Variants in GSE1 observed in about 807,000 individuals in gnomAD.
GSE1 encodes the protein Gse1 coiled-coil protein, also known as genetic suppressor element 1.
GSE1 carries 32 observed loss-of-function variants against 112.6 expected under a neutral mutation model. The ratio of observed to expected loss-of-function variants is 0.28; its 90% confidence interval spans 0.21 to 0.38. The LOEUF is 0.38. GSE1 is among the 10% of genes least tolerant of loss of function. The pLI is 1.00. For missense variants in GSE1, 2,348 were observed against 1,699.2 expected, an observed-to-expected ratio of 1.38 and a Z score of -6.71; for synonymous variants, 1,115 against 735.6, an observed-to-expected ratio of 1.52 and a Z score of -8.35.
chr16:85,495,521 G>A (rs914580358), intron 2 of GSE1, among the ~76,000 whole-genome samples: 1 of 151,536 alleles, frequency 6.6e-6, no homozygotes, highest in African/African-American at 2.4e-5. Flanking sequence ...TTGAGACAGA[G>A]TCTTACTCTG....
intron 1 of GSE1, among the ~76,000 whole-genome samples, chr16:85,313,995 T>C (rs552551703): frequency 2.8e-4 from 42 of 151,592 alleles, no homozygotes; most frequent in African/African-American, 9.0e-4. Flanking sequence ...TGTATGTGTG[T>C]GTGTGTGATA....
chr16:85,450,541 C>T (rs988927744), intron 2 of GSE1, among the ~76,000 whole-genome samples: 2 of 151,550 alleles, frequency 1.3e-5, no homozygotes, highest in African/African-American at 4.8e-5. Flanking sequence ...ACTTCACTCC[C>T]CAGGTTCAAG....
chr16:85,370,687 G>A (rs2047279232), intron 2 of GSE1, among the ~76,000 whole-genome samples: 1 of 151,228 alleles, frequency 6.6e-6, no homozygotes, highest in South Asian at 2.1e-4. Flanking sequence ...TCTGCCTGGA[G>A]CGAGTTCTAG....
In GSE1 at chr16:85,344,536, G is replaced by T. The variant is rs886670963; in HGVS notation, c.2284-12927G>T. Among the ~76,000 whole-genome samples the T allele has an allele frequency of 4.6e-5, 7 of 152,368 alleles. No homozygotes were observed. The East Asian group carries it at 1.2e-3, about 25-fold the overall frequency. On this transcript the variant is annotated intron_variant, in intron 1 of 2. Coordinates refer to the GSE1 transcript ENST00000637419. Reference sequence around the variant, plus strand: ...CATTTGATGGGCACCAGGAGCATGTGTGAAGCGCAGGGCTGCTCCCCGTTT... The same window carrying T: ...CATTTGATGGGCACCAGGAGCATGTTTGAAGCGCAGGGCTGCTCCCCGTTT...
intron 1 of GSE1, among the ~76,000 whole-genome samples, chr16:85,281,162 G>A (rs77115222): frequency 0.02 from 2,974 of 152,276 alleles, 94 homozygotes; most frequent in African/African-American, 0.068. Flanking sequence ...CCTTAGAGCT[G>A]GACATGATCT....
intron 1 of GSE1, among the ~76,000 whole-genome samples, chr16:85,173,047 C>A (rs193037092): frequency 9.9e-4 from 150 of 152,282 alleles, no homozygotes; most frequent in African/African-American, 3.4e-3. Flanking sequence ...ATGAGCACGT[C>A]GTCTCCCGTC....
intron 1 of GSE1, among the ~76,000 whole-genome samples, chr16:85,572,711 C>T (rs1473097929): frequency 2.0e-5 from 3 of 152,226 alleles, no homozygotes. Flanking sequence ...CGAGGGCTCC[C>T]CCAACCCTAG....
At chr16:85,194,204 C>A (rs1013213271) in intron 1 of GSE1, among the ~76,000 whole-genome samples, 3 of 152,160 alleles carry the variant, frequency 2.0e-5, no homozygotes, top group South Asian at 2.1e-4. Context: ...CGTGTCCGGG[C>A]GCCCTTGTGG....
At chr16:85,284,388 C>G (rs1413627258) in intron 1 of GSE1, among the ~76,000 whole-genome samples, 2 of 152,338 alleles carry the variant, frequency 1.3e-5, no homozygotes, top group East Asian at 3.9e-4. Flanking sequence ...CTGCTTCCAT[C>G]TGCTCGGCGA....
chr16:85,467,610 C>T (rs1397502714), intron 2 of GSE1, among the ~76,000 whole-genome samples: 1 of 152,174 alleles, frequency 6.6e-6, no homozygotes, highest in African/African-American at 2.4e-5. Flanking sequence ...GGTGGCTGGA[C>T]ATCTTACTTG....
At chr16:85,502,216 A>G (rs1226328065) in intron 2 of GSE1, among the ~76,000 whole-genome samples, 2 of 152,160 alleles carry the variant, frequency 1.3e-5, no homozygotes, top group African/African-American at 2.4e-5. Flanking sequence ...GCGTCCCGAG[A>G]GAGCCTTGGT....
chr16:85,460,341 G>T lies in GSE1; in HGVS notation c.2464+102698G>T, dbSNP rs567011141. Among the ~76,000 whole-genome samples, 4 of 152,296 alleles carry T rather than the reference G, an allele frequency of 2.6e-5. No individual in the cohort carries two copies. In the South Asian group the frequency reaches 6.2e-4, roughly 24 times the overall value. On this transcript the variant is annotated intron_variant, in intron 2 of 2. Transcript: ENST00000637419. ...GAGATTCTGATACAACTGCTCAGGG[G>T]TGCGGCCCAGCCTGGTATTTTCTTA...
At chr16:85,479,534 C>A (rs912813260) in intron 2 of GSE1, among the ~76,000 whole-genome samples, 4 of 152,124 alleles carry the variant, frequency 2.6e-5, no homozygotes, top group Non-Finnish European at 5.9e-5. Flanking sequence ...AAGCTCCTGA[C>A]TTCAGGTGAT....
intron 1 of GSE1, among the ~76,000 whole-genome samples, chr16:85,623,818 C>G (rs574085750): frequency 6.6e-6 from 1 of 152,328 alleles, no homozygotes; most frequent in East Asian, 1.9e-4. Context: ...GCCACCTCCC[C>G]TGCTGCCCAG....
intron 1 of GSE1, among the ~76,000 whole-genome samples, chr16:85,200,132 C>T (rs2075001553): frequency 1.3e-5 from 2 of 152,244 alleles, no homozygotes; most frequent in Admixed American, 1.3e-4. Context: ...TTGCTGACAC[C>T]TTGTCACTCT....
chr16:85,249,937 G>T (rs1430959172), intron 1 of GSE1, among the ~76,000 whole-genome samples: 3 of 152,268 alleles, frequency 2.0e-5, no homozygotes, highest in Non-Finnish European at 4.4e-5. Context: ...TGCCAGCTGG[G>T]CGCTTCTCCA....
upstream of GSE1, chr16:85,613,071 T>C (rs2048098346): frequency 5.6e-6 from 3 of 532,866 alleles, no homozygotes; most frequent in Non-Finnish European, 8.7e-6. Flanking sequence ...GGCGTGTGCC[T>C]GGGCGGGTGG....
At chr16:85,170,369 C>G in exon 1 of GSE1, 2 of 985,508 alleles carry the variant, frequency 2.0e-6, no homozygotes, top group Non-Finnish European at 2.4e-6. Flanking sequence ...TGGCAAGGCC[C>G]TCTTGTCCAA....
At chr16:85,217,122 C>G (rs1030021357) in intron 1 of GSE1, among the ~76,000 whole-genome samples, 1 of 152,228 alleles carries the variant, frequency 6.6e-6, no homozygotes, top group African/African-American at 2.4e-5. Context: ...TCCGTTTCCC[C>G]ATATGGAGCG....
Sources: gnomAD v4.1 joint callset for allele counts (sites outside exome capture counted in the v4.1 genomes callset) on GRCh38, gnomAD v4.1.1 for gene constraint, MANE v1.5 for transcripts, NCBI Gene and HGNC (gene_info 2026-07-23, HGNC 2026-07-21) for gene names.